Variants in ADAM10 observed in about 807,000 individuals in gnomAD.
ADAM10 encodes ADAM metallopeptidase domain 10, also known as disintegrin and metalloproteinase domain-containing protein 10.
A neutral mutation model predicts 90.1 loss-of-function variants in ADAM10; 17 were observed. The ratio of observed to expected loss-of-function variants is 0.19; its 90% CI spans 0.13 to 0.28. The LOEUF (loss-of-function observed/expected upper bound fraction) is 0.28. Among genes scored for constraint, ADAM10 ranks in the 10% least tolerant of loss-of-function variants. ADAM10 has a pLI of 1.00. For synonymous variants in ADAM10, 310 were observed against 298.6 expected, an observed-to-expected ratio of 1.04 and a Z score of -0.40; for missense variants, 610 against 914.3, an observed-to-expected ratio of 0.67 and a Z score of 4.29.
intron 8 of ADAM10, among the ~76,000 whole-genome samples, chr15:58,638,154 T>C (rs574071381): frequency 6.6e-6 from 1 of 151,966 alleles, no homozygotes; most frequent in Non-Finnish European, 1.5e-5. Context: ...TTCCAAGAGC[T>C]GAAGTTGGGG....
At chr15:58,651,878 G>C (rs1896697631) in intron 5 of ADAM10, among the ~76,000 whole-genome samples, 1 of 152,112 alleles carries the variant, frequency 6.6e-6, no homozygotes, top group African/African-American at 2.4e-5. Flanking sequence ...GTGTGTGGCG[G>C]TTTCCTTTTC....
intron 2 of ADAM10, 83 bp from the exon 3 acceptor site, chr15:58,682,397 T>G: frequency 6.5e-7 from 1 of 1,528,040 alleles, no homozygotes; most frequent in Non-Finnish European, 8.8e-7. Flanking sequence ...TTAAAAAGTC[T>G]ACAAAATGTG....
At chr15:58,632,942 AT>A (rs1320844703) in intron 9 of ADAM10, among the ~76,000 whole-genome samples, 1 of 152,188 alleles carries the variant, frequency 6.6e-6, no homozygotes, top group Non-Finnish European at 1.5e-5. Flanking sequence ...AGATATAGAT[AT>A]TTTGTCTGAA....
intron 2 of ADAM10, among the ~76,000 whole-genome samples, chr15:58,706,943 A>T (rs1282719972): frequency 6.9e-6 from 1 of 145,648 alleles, no homozygotes; most frequent in South Asian, 2.3e-4. Context: ...CAGGACACAG[A>T]GGTTGCAGTG....
intron 13 of ADAM10, chr15:58,610,774 T>C (rs1360825424): frequency 4.7e-6 from 3 of 633,120 alleles, no homozygotes; most frequent in Non-Finnish European, 8.3e-6. Flanking sequence ...TGTAAATTAC[T>C]GCTGTAAAGC....
intron 1 of ADAM10, among the ~76,000 whole-genome samples, chr15:58,718,398 T>A (rs1595652622): frequency 6.6e-6 from 1 of 152,228 alleles, no homozygotes; most frequent in East Asian, 1.9e-4. Context: ...GAATTTTGTT[T>A]TCTGTGTTCA....
At chr15:58,710,809 CATTT>C (rs1315420192) in intron 2 of ADAM10, among the ~76,000 whole-genome samples, 6 of 152,162 alleles carry the variant, frequency 3.9e-5, no homozygotes, top group Admixed American at 1.3e-4. Flanking sequence ...ATCAGGCATT[CATTT>C]GTGTTCCCTA....
At chr15:58,677,148 G>A (rs754679508) in intron 4 of ADAM10, among the ~76,000 whole-genome samples, 2 of 152,064 alleles carry the variant, frequency 1.3e-5, no homozygotes, top group Non-Finnish European at 2.9e-5. Flanking sequence ...TCTGTTTAAG[G>A]GAACTCCTTC....
At chr15:58,620,183 T>C (rs1469053609) in intron 11 of ADAM10, among the ~76,000 whole-genome samples, 2 of 151,480 alleles carry the variant, frequency 1.3e-5, no homozygotes, top group East Asian at 3.9e-4. Context: ...CATATTGAAC[T>C]GGCCGGGTGC....
At chr15:58,632,544 G>A (rs1188476168) in intron 9 of ADAM10, among the ~76,000 whole-genome samples, 1 of 152,196 alleles carries the variant, frequency 6.6e-6, no homozygotes, top group African/African-American at 2.4e-5. Flanking sequence ...ACCAAACACT[G>A]CCCCTGAAGC....
chr15:58,717,792 A>AT, intron 1 of ADAM10, 65 bp from the exon 2 acceptor site: 7 of 1,566,014 alleles, frequency 4.5e-6, no homozygotes, highest in Non-Finnish European at 2.6e-6. Flanking sequence ...TTCTAACACG[A>AT]TTATTCAAGT....
intron 2 of ADAM10, chr15:58,692,363 G>A (rs1393838878): frequency 8.3e-6 from 5 of 601,418 alleles, no homozygotes; most frequent in Non-Finnish European, 1.3e-5. Flanking sequence ...GTCTGGTTTA[G>A]TTCTTCCCGA....
chr15:58,604,236 C>T (rs1895201754), intron 14 of ADAM10, among the ~76,000 whole-genome samples: 2 of 152,106 alleles, frequency 1.3e-5, no homozygotes, highest in African/African-American at 4.8e-5. Flanking sequence ...TGGCAGGTGC[C>T]TGTAATCCCA....
rs577574678 is a variant in ADAM10, at chr15:58,676,884, T to C, written c.484+2240A>G. On this transcript the variant is annotated intron_variant, in intron 4 of 15. Transcript: ENST00000260408. ...ACCCATGCTTATTTATTTATGTGTTTCTTTGGCTGTTCTCGTGCTACAATG... is the reference window on the plus strand; with the variant it reads ...ACCCATGCTTATTTATTTATGTGTTCCTTTGGCTGTTCTCGTGCTACAATG... Among the ~76,000 whole-genome samples, 131 of 152,326 alleles carry C rather than the reference T, an allele frequency of 8.6e-4. 1 individual carries two copies. Among genetic ancestry groups the C allele is most frequent in the Middle Eastern group, 3.4e-3 (1 of 294 alleles).
chr15:58,695,650 T>C (rs1445153552), intron 2 of ADAM10, among the ~76,000 whole-genome samples: 1 of 142,016 alleles, frequency 7.0e-6, no homozygotes, highest in African/African-American at 2.7e-5. Context: ...AGTTTTAATA[T>C]AAGACCTGGC....
At position 58,595,061 on chromosome 15, in the gene ADAM10, T is replaced by C. The variant is rs753907264; in HGVS notation, c.*2486A>G. ...AACAAACTTATCATTAAACTAGGCT[T>C]TTTAAAATAAATGAGGTACTTAGCA... On this transcript the variant is annotated 3_prime_UTR_variant, in exon 16 of 16. Transcript: ENST00000260408. 5 of 152,162 alleles carry C rather than the reference T, an allele frequency of 3.3e-5. No individual in the cohort carries two copies. The highest frequency in any genetic ancestry group is 7.4e-5 in the Non-Finnish European group (5 of 67,994). 9.4% of individuals were successfully genotyped at this position (152,162 alleles called of 1,614,324 possible).
chr15:58,664,972 T>TA, intron 5 of ADAM10, 125 bp downstream of exon 5: 1 of 799,624 alleles, frequency 1.3e-6, no homozygotes, highest in Non-Finnish European at 2.1e-6. Flanking sequence ...CTTTGAGCAT[T>TA]AAAAAACATT....
intron 5 of ADAM10, among the ~76,000 whole-genome samples, chr15:58,655,624 T>C (rs1288445073): frequency 2.1e-4 from 30 of 142,698 alleles, no homozygotes; most frequent in Non-Finnish European, 1.5e-5. Context: ...TTACAGTTGT[T>C]AAATCCTCTT....
rs534263200 is a variant in ADAM10, at chr15:58,660,648, T to C, written c.585+4449A>G. Among the ~76,000 whole-genome samples, 5 of 152,316 alleles carry C rather than the reference T, an allele frequency of 3.3e-5. No homozygotes were observed. In the South Asian group the frequency reaches 1.0e-3, roughly 32 times the overall value. On this transcript the variant is annotated intron_variant, in intron 5 of 15. Transcript: ENST00000260408. ...CACCTTGCTATTTATTTTCTATTTA[T>C]CCCATCAGTTTTTTGTTCCTTTTTC...
Sources: allele counts gnomAD v4.1 joint callset (sites outside exome capture counted in the v4.1 genomes callset), GRCh38; gene constraint gnomAD v4.1.1; transcripts MANE v1.5; gene names NCBI Gene and HGNC (gene_info 2026-07-23, HGNC 2026-07-21).